PRRC2B: variants seen among roughly 807,000 people sequenced by gnomAD.
PRRC2B encodes the protein protein PRRC2B.
In PRRC2B, 68 loss-of-function variants were observed where a neutral mutation model predicts 242.3. The ratio of observed to expected loss-of-function variants is 0.28; its 90% CI spans 0.23 to 0.34. The LOEUF is 0.34. PRRC2B is among the 10% of genes least tolerant of loss of function. The probability of loss-of-function intolerance (pLI) is 1.00; values close to 1 mark genes in which losing one functional copy is unlikely to be tolerated. For synonymous variants in PRRC2B, 1,228 were observed against 1,173.6 expected, an observed-to-expected ratio of 1.05 and a Z score of -0.95; for missense variants, 2,835 against 2,954.8, an observed-to-expected ratio of 0.96 and a Z score of 0.94.
In PRRC2B at chr9:131,485,364, T is replaced by C. The variant is rs115229058; in HGVS notation, c.5758+224T>C. Among the ~76,000 whole-genome samples the C allele has an allele frequency of 9.5e-3, 1,452 of 152,312 alleles. 29 individuals carry two copies. Among genetic ancestry groups the C allele is most frequent in the African/African-American group, 0.033 (1,372 of 41,576 alleles). ...GAACTGGGGGATAACAGCGAGGCAC[T>C]CCTGCCTACTGGTGACAGGAGCGAG... is the stretch of plus-strand genomic sequence containing the variant. On this transcript the variant is annotated intron_variant, in intron 25 of 31. Coordinates refer to ENST00000683519, the MANE Select transcript of PRRC2B (RefSeq NM_013318.4).
intron 29 of PRRC2B, 91 bp from the exon 30 acceptor site, chr9:131,492,078 C>T (rs1362262454): frequency 3.0e-6 from 3 of 1,003,892 alleles, no homozygotes; most frequent in Admixed American, 1.8e-5. Flanking sequence ...CCATGGCCCT[C>T]ACCACCTCTG....
chr9:131,490,020 T>C (rs370898878), intron 28 of PRRC2B, among the ~76,000 whole-genome samples: 7 of 152,144 alleles, frequency 4.6e-5, no homozygotes, highest in African/African-American at 1.7e-4. Context: ...GAGTCATGGC[T>C]CTAAATTCCT....
At position 131,476,393 on chromosome 9, in the gene PRRC2B, T is replaced by A; in HGVS notation, c.4264T>A (p.Ser1422Thr). The change falls in exon 16 of 32, where the codon TCC becomes ACC. Residue 1422 changes from serine (S) to threonine (T), a missense_variant. Ser to Thr is a moderately conservative substitution (Grantham distance 58). Transcript: ENST00000683519. ...GAAGGAGCTGGCCAAGAGGAGCTTC[T>A]CCAGTCAGAGACCCGTGGTTGACAG... ...EKKELAKRSF[S>T]SQRPVVDRQS... The A allele has an allele frequency of 6.2e-7, 1 of 1,606,540 alleles. No homozygotes were observed. The highest frequency in any genetic ancestry group is 8.5e-7 in the Non-Finnish European group (1 of 1,176,440).
intron 10 of PRRC2B, among the ~76,000 whole-genome samples, chr9:131,458,254 C>G (rs1943139952): frequency 6.6e-6 from 1 of 152,022 alleles, no homozygotes; most frequent in Non-Finnish European, 1.5e-5. Flanking sequence ...GGGAGATGTA[C>G]CAAAAGGAGA....
rs1209001135 is a variant in PRRC2B at position 131,409,020 on chromosome 9, CTTTT to C, written c.-52+14770_-52+14773del. On this transcript the variant is annotated intron_variant, in intron 1 of 31. Coordinates refer to ENST00000683519, the MANE Select transcript of PRRC2B (RefSeq NM_013318.4). ...AGGCATGAGTCACTGCGCTCAGCCA[CTTTT>C]TTTTTTTTTTTTCCTGAGATGGAGT... is the stretch of plus-strand genomic sequence containing the variant. Among the ~76,000 whole-genome samples the C allele has an allele frequency of 8.5e-5, 11 of 129,186 alleles. No homozygotes were observed. The East Asian group carries it at 2.1e-3, about 25-fold the overall frequency. The allele number at this position is 129,186 out of a possible 152,430, so 84.8% of individuals were successfully genotyped here.
chr9:131,476,109 G>C lies in PRRC2B; in HGVS notation c.3980G>C (p.Gly1327Ala). 6.2e-7 allele frequency: 1 copy of C among 1,609,842 alleles called. No individual in the cohort carries two copies. The highest frequency in any genetic ancestry group is 8.5e-7 in the Non-Finnish European group (1 of 1,177,544). Residue 1327 changes from glycine (G) to alanine (A), a missense_variant, in exon 16 of 32, where the codon GGA becomes GCA. This residue lies in a region of PRRC2B where 1,536 missense variants were observed against 1,483.1 expected (regional missense o/e 1.04). Transcript: ENST00000683519. ...RQERESLGLW[G>A]PEEEPHLLAG... The stretch of plus-strand genomic sequence containing the variant: ...GAGCGGGAGTCCCTGGGCCTGTGGG[G>C]ACCCGAGGAGGAGCCCCACCTGCTG...
chr9:131,428,623 C>T (rs1393734725), intron 1 of PRRC2B, among the ~76,000 whole-genome samples: 1 of 151,792 alleles, frequency 6.6e-6, no homozygotes, highest in Non-Finnish European at 1.5e-5. Flanking sequence ...TCTCAAACTC[C>T]AAACCTCAGG....
intron 5 of PRRC2B, among the ~76,000 whole-genome samples, chr9:131,441,446 C>G (rs1302435162): frequency 1.3e-5 from 2 of 152,216 alleles, no homozygotes; most frequent in African/African-American, 4.8e-5. Context: ...ATCCCAGCTA[C>G]TTGGAAGGCC....
chr9:131,381,155 AGTT>A (rs1836754677), intron 1 of PRRC2B, among the ~76,000 whole-genome samples: 1 of 151,978 alleles, frequency 6.6e-6, no homozygotes, highest in Non-Finnish European at 1.5e-5. Context: ...CAGCTTCACT[AGTT>A]GTTGTGTCTT....
intron 3 of PRRC2B, among the ~76,000 whole-genome samples, chr9:131,435,222 C>G (rs375377806): frequency 4.6e-5 from 7 of 150,718 alleles, no homozygotes; most frequent in African/African-American, 1.5e-4. Flanking sequence ...TGCTTGAACC[C>G]GGGAGGCAGA....
chr9:131,452,378 A>G lies in PRRC2B; in HGVS notation c.1121-2698A>G, dbSNP rs117589250. Among the ~76,000 whole-genome samples, 354 of 152,230 alleles carry G rather than the reference A, an allele frequency of 2.3e-3. 4 individuals are homozygous for G. The highest frequency in any genetic ancestry group is 0.02 in the East Asian group (102 of 5,182). ...TTTTCATTGTGGAAATGTTTTCAGT[A>G]ATTTATTTTATTTGATTAGTTATGA... On this transcript the variant is annotated intron_variant, in intron 9 of 31. Coordinates refer to ENST00000683519, the MANE Select transcript of PRRC2B (RefSeq NM_013318.4).
At chr9:131,462,621 C>T (rs189040494) in intron 11 of PRRC2B, among the ~76,000 whole-genome samples, 1,517 of 151,492 alleles carry the variant, frequency 0.01, 22 homozygotes, top group Non-Finnish European at 0.013. Flanking sequence ...GGGTGGATCA[C>T]GAGGTCAGAA....
rs772201342 is a variant in PRRC2B at position 131,475,123 on chromosome 9, C to T, written c.2994C>T (p.Ser998=). ...AGAACGATGCCTCTCTGGCCAACTC[C>T]TCCACCACCACTTTGGAGGACAAAG... The part of the protein sequence containing the change: ...DEENDASLAN[S]STTTLEDKGP... The change falls in exon 16 of 32, where the codon TCC becomes TCT. Residue 998 remains serine (S), a synonymous_variant. Transcript: ENST00000683519. 6.8e-6 allele frequency: 11 copies of T among 1,612,260 alleles called. No homozygotes were observed. In the South Asian group the frequency reaches 1.1e-4, roughly 16 times the overall value.
chr9:131,429,990 A>T (rs1024494486), intron 1 of PRRC2B, 104 bp from the exon 2 acceptor site: 4 of 607,910 alleles, frequency 6.6e-6, no homozygotes, highest in Admixed American at 3.0e-5. Context: ...GAGATCCATG[A>T]TTCGTGAAGG....
At chr9:131,384,578 C>T (rs1326448617) in intron 1 of PRRC2B, among the ~76,000 whole-genome samples, 1 of 152,030 alleles carries the variant, frequency 6.6e-6, no homozygotes, top group Non-Finnish European at 1.5e-5. Flanking sequence ...GCCACTGCGC[C>T]CGGCCTAATT....
At chr9:131,485,754 A>G (rs1335163244) in intron 25 of PRRC2B, 3 of 603,096 alleles carry the variant, frequency 5.0e-6, no homozygotes, top group Non-Finnish European at 9.5e-6. Context: ...TGAGAGACCA[A>G]GGCAGCCCTG....
Position 131,426,859 on chromosome 9 carries a change from T to C in PRRC2B, c.-51-3235T>C, listed in dbSNP as rs144367072. 5.7e-3 allele frequency among the ~76,000 whole-genome samples: 867 copies of C among 152,382 alleles called. 9 individuals carry two copies. Among genetic ancestry groups the C allele is most frequent in the African/African-American group, 0.02 (836 of 41,592 alleles). On this transcript the variant is annotated intron_variant, in intron 1 of 31. Coordinates refer to ENST00000683519, the MANE Select transcript of PRRC2B (RefSeq NM_013318.4). ...AATGTGGGCAGCAGTCCCATCATTG[T>C]GACATCAAAAATGCTCCTGCACATT...
intron 5 of PRRC2B, among the ~76,000 whole-genome samples, chr9:131,441,830 A>T (rs1040092008): frequency 8.5e-5 from 13 of 152,226 alleles, no homozygotes; most frequent in African/African-American, 2.9e-4. Flanking sequence ...AGAGGCTCAG[A>T]TACCAGCTGC....
chr9:131,420,501 T>TTCCTTCCTTCTTTCTTTCTTTCTTTC (rs1588242598), intron 1 of PRRC2B, among the ~76,000 whole-genome samples: 1 of 19,022 alleles, frequency 5.3e-5, no homozygotes, highest in African/African-American at 1.4e-4. Context: ...TTCTTTTTTT[T>TTCCTTCCTTCTTTCTTTCTTTCTTTC]TTTTTTTTTG....
Sources: gnomAD v4.1 joint callset for allele counts (sites outside exome capture counted in the v4.1 genomes callset) on GRCh38, gnomAD v4.1.1 for gene constraint, gnomAD v4.1.1 regional missense constraint, MANE v1.5 for transcripts, NCBI Gene and HGNC (gene_info 2026-07-23, HGNC 2026-07-21) for gene names.